The following FREM1 variants were observed in gnomAD, a reference collection of about 807,000 sequenced individuals.
The protein encoded by FREM1 is FRAS1-related extracellular matrix protein 1.
Under a neutral mutation model 210.1 loss-of-function variants are expected in FREM1, and 220 were observed. The observed-to-expected ratio is 1.05, with a 90% CI of 0.94 to 1.17. FREM1 has a LOEUF of 1.17. Among genes scored for constraint, FREM1 ranks in the 50% most tolerant of loss-of-function variants. The pLI is 0.00. For missense variants in FREM1, 3,454 were observed against 2,675.5 expected (o/e 1.29, Z -6.42); for synonymous variants, 1,189 against 980.2 (o/e 1.21, Z -3.98).
At chr9:14,866,249 G>A (rs914295096) in intron 2 of FREM1, among the ~76,000 whole-genome samples, 1 of 152,146 alleles carries the variant, frequency 6.6e-6, no homozygotes, top group African/African-American at 2.4e-5. Flanking sequence ...GAGATGACTT[G>A]CAGGCCTATT....
chr9:14,747,691 A>T lies in FREM1; in HGVS notation c.5834T>A (p.Ile1945Asn). Reference protein sequence around the residue: ...PSSVYRNGTDIIYNYHGIVSL... With the variant: ...PSSVYRNGTDNIYNYHGIVSL... ...TGTGACTACACTTACATTATAGATG[A>T]TGTCTGTTCCATTTCTATAAACAGA... is the stretch of plus-strand genomic sequence containing the variant. The change falls in exon 32 of 37, where the codon ATC becomes AAC. Residue 1945 changes from isoleucine (I) to asparagine (N), a missense_variant. Physicochemically the swap from Ile to Asn is moderately radical, Grantham distance 149 (BLOSUM62 -3). Transcript: ENST00000380880. The T allele has an allele frequency of 6.5e-7, 1 of 1,534,704 alleles. No homozygotes were observed. The highest frequency in any genetic ancestry group is 8.8e-7 in the Non-Finnish European group (1 of 1,135,878).
At chr9:14,829,941 C>T (rs958284502) in intron 10 of FREM1, among the ~76,000 whole-genome samples, 6 of 151,860 alleles carry the variant, frequency 4.0e-5, no homozygotes, top group South Asian at 2.1e-4. Context: ...GACCAGAAAA[C>T]GAGGAAAGAA....
chr9:14,841,598 T>A lies in FREM1; in HGVS notation c.1739-9A>T, dbSNP rs1825705727. 2 of 1,569,768 alleles carry A rather than the reference T, an allele frequency of 1.3e-6. No homozygotes were observed. The highest frequency in any genetic ancestry group is 1.2e-5 in the South Asian group (1 of 84,618). ...GCCATGGACAGGATAGCCTATTGGG[T>A]CCATAAAACACCACATACTTTTGTA... On this transcript the variant is annotated splice_polypyrimidine_tract_variant and intron_variant, in intron 9 of 36. Transcript: ENST00000380880.
At chr9:14,784,178 C>A in intron 24 of FREM1, 192 bp downstream of exon 24, 1 of 497,938 alleles carries the variant, frequency 2.0e-6, no homozygotes, top group Admixed American at 3.5e-5. Context: ...TGAAAAATGA[C>A]TCATTTTTTT....
chr9:14,872,152 C>T (rs1832794640), intron 1 of FREM1, among the ~76,000 whole-genome samples: 1 of 152,140 alleles, frequency 6.6e-6, no homozygotes, highest in Non-Finnish European at 1.5e-5. Context: ...GCAATGCGGG[C>T]TCTTTTTTGG....
intron 10 of FREM1, among the ~76,000 whole-genome samples, chr9:14,829,243 CA>C (rs1479707214): frequency 6.6e-6 from 1 of 152,118 alleles, no homozygotes; most frequent in East Asian, 1.9e-4. Context: ...GAGGACTTGC[CA>C]AACAGCTTTT....
At chr9:14,774,767 C>T (rs1848270761) in intron 25 of FREM1, among the ~76,000 whole-genome samples, 1 of 152,072 alleles carries the variant, frequency 6.6e-6, no homozygotes, top group South Asian at 2.1e-4. Context: ...TCCAGGAATC[C>T]TTGTAACAGT....
chr9:14,899,575 C>T (rs951639790), intron 1 of FREM1, among the ~76,000 whole-genome samples: 1 of 152,138 alleles, frequency 6.6e-6, no homozygotes, highest in Non-Finnish European at 1.5e-5. Flanking sequence ...TAGAAAATTA[C>T]ATCGTATAAG....
chr9:14,869,807 CT>C (rs1438466202), intron 1 of FREM1, among the ~76,000 whole-genome samples: 1 of 152,254 alleles, frequency 6.6e-6, no homozygotes, highest in African/African-American at 2.4e-5. Flanking sequence ...AGAAAATATG[CT>C]TTTTTCTAAG....
chr9:14,907,264 T>G (rs1200054779), intron 1 of FREM1, among the ~76,000 whole-genome samples: 1 of 152,220 alleles, frequency 6.6e-6, no homozygotes, highest in Non-Finnish European at 1.5e-5. Flanking sequence ...GGCCAAGTTT[T>G]AGAGCCCTTT....
At chr9:14,828,638 C>T (rs373652663) in intron 10 of FREM1, among the ~76,000 whole-genome samples, 13 of 74,912 alleles carry the variant, frequency 1.7e-4, no homozygotes, top group Non-Finnish European at 2.8e-4. Flanking sequence ...TAAATTGTGG[C>T]GGGGCGGGGG....
chr9:14,787,010 C>G (rs1355887984), intron 23 of FREM1, among the ~76,000 whole-genome samples: 2 of 152,128 alleles, frequency 1.3e-5, no homozygotes, highest in African/African-American at 2.4e-5. Flanking sequence ...AGGTTAGAGT[C>G]AACTATAGAC....
At chr9:14,794,066 T>C (rs1851901222) in intron 21 of FREM1, among the ~76,000 whole-genome samples, 1 of 152,220 alleles carries the variant, frequency 6.6e-6, no homozygotes, top group South Asian at 2.1e-4. Flanking sequence ...ATTAAATTTC[T>C]GGTCAGAATG....
At chr9:14,849,902 C>A (rs1330995749) in intron 6 of FREM1, among the ~76,000 whole-genome samples, 2 of 152,156 alleles carry the variant, frequency 1.3e-5, no homozygotes, top group South Asian at 2.1e-4. Context: ...TGAGAAATTA[C>A]TTCCTAACAG....
intron 1 of FREM1, among the ~76,000 whole-genome samples, chr9:14,881,267 T>C (rs1030708233): frequency 6.6e-6 from 1 of 152,234 alleles, no homozygotes; most frequent in Non-Finnish European, 1.5e-5. Flanking sequence ...TCTTTGTACA[T>C]GTTGTGTATC....
chr9:14,855,598 T>TA (rs1828587983), intron 5 of FREM1, among the ~76,000 whole-genome samples: 1 of 152,262 alleles, frequency 6.6e-6, no homozygotes, highest in East Asian at 1.9e-4. Flanking sequence ...TGTGTGTATG[T>TA]AAAAATGGTA....
rs775720383 is a variant in FREM1 at position 14,851,306 on chromosome 9, T to A, written c.1130A>T (p.His377Leu). The change falls in exon 6 of 37, where the codon CAT becomes CTT. Residue 377 changes from histidine (H) to leucine (L), a missense_variant. By Grantham distance (99) the His-to-Leu change is moderately conservative. Coordinates refer to ENST00000380880, the MANE Select transcript of FREM1 (RefSeq NM_001379081.2). ...TACCTCATCATGTCTCCTCTCAGAATGGCTGCTGTTTGGTGGCTGATAGGC... is the reference window on the plus strand; with the variant it reads ...TACCTCATCATGTCTCCTCTCAGAAAGGCTGCTGTTTGGTGGCTGATAGGC... ...QIAYQPPNSS[H>L]SERRHDEVEL... The A allele has an allele frequency of 6.3e-7, 1 of 1,597,438 alleles. No homozygotes were observed.
At chr9:14,747,560 T>A (rs1842694684) in intron 32 of FREM1, 121 bp downstream of exon 32, 2 of 1,074,094 alleles carry the variant, frequency 1.9e-6, no homozygotes, top group Non-Finnish European at 2.6e-6. Flanking sequence ...CACCCAAGCC[T>A]CTAATTTCAA....
chr9:14,795,863 T>C (rs573727296), intron 21 of FREM1, among the ~76,000 whole-genome samples: 1 of 152,204 alleles, frequency 6.6e-6, no homozygotes, highest in Non-Finnish European at 1.5e-5. Flanking sequence ...TTTTTACCCC[T>C]CTCCAGTGGA....
Sources: allele counts gnomAD v4.1 joint callset (sites outside exome capture counted in the v4.1 genomes callset), GRCh38; gene constraint gnomAD v4.1.1; transcripts MANE v1.5; gene names NCBI Gene and HGNC (gene_info 2026-07-23, HGNC 2026-07-21).